Variants in EVA1C observed in about 807,000 individuals in gnomAD.
EVA1C encodes eva-1 homolog C.
In EVA1C, 25 loss-of-function variants were observed where a neutral mutation model predicts 45.4. The ratio of observed to expected loss-of-function variants is 0.55; its 90% confidence interval spans 0.40 to 0.77. The LOEUF (loss-of-function observed/expected upper bound fraction) is 0.77. EVA1C is among the 30% of genes least tolerant of loss of function. The pLI is 0.00. For synonymous variants in EVA1C, 190 were observed against 221.2 expected, an observed-to-expected ratio of 0.86 and a Z score of 1.25; for missense variants, 479 against 554.8, an observed-to-expected ratio of 0.86 and a Z score of 1.37.
intron 7 of EVA1C, among the ~76,000 whole-genome samples, chr21:32,511,451 A>G (rs2037950175): frequency 6.6e-6 from 1 of 151,040 alleles, no homozygotes; most frequent in African/African-American, 2.4e-5. Flanking sequence ...AGAAAGAAAG[A>G]AAGAAAAGAA....
At chr21:32,461,033 A>C (rs759903170) in intron 3 of EVA1C, among the ~76,000 whole-genome samples, 2 of 152,246 alleles carry the variant, frequency 1.3e-5, no homozygotes, top group African/African-American at 2.4e-5. Flanking sequence ...GGCGTGAACC[A>C]CAGTGCCCAG....
chr21:32,449,254 C>T (rs1288171484), intron 1 of EVA1C, among the ~76,000 whole-genome samples: 1 of 152,200 alleles, frequency 6.6e-6, no homozygotes, highest in East Asian at 1.9e-4. Context: ...TGAGGGCTCA[C>T]TTTTGGTGTT....
intron 6 of EVA1C, among the ~76,000 whole-genome samples, chr21:32,503,062 C>T (rs946542344): frequency 3.3e-5 from 5 of 152,212 alleles, no homozygotes; most frequent in African/African-American, 4.8e-5. Flanking sequence ...GCTAGGAGTC[C>T]CCCAAGCCAT....
intron 4 of EVA1C, among the ~76,000 whole-genome samples, chr21:32,473,495 T>C (rs2036449256): frequency 6.6e-6 from 1 of 152,190 alleles, no homozygotes; most frequent in African/African-American, 2.4e-5. Flanking sequence ...TCCCGTCTCC[T>C]ACCCGCTATC....
intron 1 of EVA1C, among the ~76,000 whole-genome samples, chr21:32,423,820 A>G (rs1568861648): frequency 6.6e-6 from 1 of 152,166 alleles, no homozygotes; most frequent in Admixed American, 6.6e-5. Flanking sequence ...ACCAGGCAAC[A>G]TTAAAATTCA....
At chr21:32,412,582 G>C (rs375046046), upstream of EVA1C, 12 of 361,532 alleles carry the variant, frequency 3.3e-5, no homozygotes, top group Admixed American at 2.9e-4. Flanking sequence ...CGCTTCCTCC[G>C]GCACGGCGGC....
At chr21:32,484,369 C>G (rs1197688361) in intron 4 of EVA1C, among the ~76,000 whole-genome samples, 3 of 151,868 alleles carry the variant, frequency 2.0e-5, no homozygotes, top group Non-Finnish European at 2.9e-5. Context: ...GATGGTGAAA[C>G]CCCATCTCTA....
intron 1 of EVA1C, among the ~76,000 whole-genome samples, chr21:32,444,590 A>C (rs994222292): frequency 6.6e-6 from 1 of 152,212 alleles, no homozygotes; most frequent in African/African-American, 2.4e-5. Context: ...GCTATCCGGA[A>C]GCTCTCCAAA....
At chr21:32,461,250 C>T (rs1365035281) in intron 3 of EVA1C, among the ~76,000 whole-genome samples, 1 of 152,282 alleles carries the variant, frequency 6.6e-6, no homozygotes. Flanking sequence ...GCTGGGGAGC[C>T]GGAGTAGGGA....
intron 3 of EVA1C, among the ~76,000 whole-genome samples, chr21:32,466,822 T>C (rs1280594873): frequency 2.3e-5 from 3 of 131,806 alleles, no homozygotes; most frequent in Non-Finnish European, 4.8e-5. Context: ...CCATCTTTCT[T>C]GCTTTTTTTT....
rs139610330 is a variant in EVA1C at position 32,462,680 on chromosome 21, G to C, written c.481+4960G>C. Among the ~76,000 whole-genome samples the C allele has an allele frequency of 6.2e-3, 939 of 152,296 alleles. 15 individuals carry two copies. Among genetic ancestry groups the C allele is most frequent in the Admixed American group, 0.035 (539 of 15,290 alleles). ...AGGTTGTGGGTTTACTGGAATGAGG[G>C]CAAGGAACACCTGGCCCACCCAGAG... On this transcript the variant is annotated intron_variant, in intron 3 of 7. Coordinates refer to ENST00000300255, the MANE Select transcript of EVA1C (RefSeq NM_058187.5).
intron 6 of EVA1C, among the ~76,000 whole-genome samples, chr21:32,502,973 G>A (rs1461714959): frequency 6.6e-6 from 1 of 152,112 alleles, no homozygotes; most frequent in Non-Finnish European, 1.5e-5. Context: ...TCCATAAACA[G>A]CCTGGTCCCC....
intron 7 of EVA1C, among the ~76,000 whole-genome samples, chr21:32,512,924 A>G (rs533106764): frequency 6.6e-6 from 1 of 152,152 alleles, no homozygotes; most frequent in African/African-American, 2.4e-5. Flanking sequence ...GGAAGATGAA[A>G]GTGAAGTCGG....
rs2038102961 is a variant in EVA1C at position 32,515,304 on chromosome 21, A to C, written c.*114A>C. Reference sequence around the variant, plus strand: ...TGAAGGAGAATTCGTCATGTCATTCAACACTCGTGAGGCCAGGAAGCTATT... The same window carrying C: ...TGAAGGAGAATTCGTCATGTCATTCCACACTCGTGAGGCCAGGAAGCTATT... On this transcript the variant is annotated 3_prime_UTR_variant, in exon 8 of 8. Coordinates refer to ENST00000300255, the MANE Select transcript of EVA1C (RefSeq NM_058187.5). 3 of 1,191,982 alleles carry C rather than the reference A, an allele frequency of 2.5e-6. No individual in the cohort carries two copies. Among genetic ancestry groups the C allele is most frequent in the Non-Finnish European group, 3.5e-6 (3 of 853,544 alleles). The allele number at this position is 1,191,982 out of a possible 1,614,324, so 73.8% of individuals were successfully genotyped here. A position where few individuals can be genotyped will look rare whatever the true frequency, so the allele number is the denominator to read the frequency against.
At chr21:32,495,924 T>C (rs1028699643) in intron 5 of EVA1C, among the ~76,000 whole-genome samples, 2 of 152,248 alleles carry the variant, frequency 1.3e-5, no homozygotes, top group African/African-American at 4.8e-5. Flanking sequence ...ACCTATTCTC[T>C]TGGAAATCGC....
intron 1 of EVA1C, among the ~76,000 whole-genome samples, chr21:32,422,096 C>G (rs1248838022): frequency 6.9e-6 from 1 of 144,616 alleles, no homozygotes; most frequent in African/African-American, 2.6e-5. Flanking sequence ...AAGAAGGAAT[C>G]TAAAACATGA....
At chr21:32,487,362 C>G (rs2037004437) in intron 4 of EVA1C, among the ~76,000 whole-genome samples, 1 of 152,242 alleles carries the variant, frequency 6.6e-6, no homozygotes, top group Non-Finnish European at 1.5e-5. Context: ...ATCATGAGAC[C>G]TCCATAAAAG....
At chr21:32,421,289 C>T (rs866600127) in intron 1 of EVA1C, among the ~76,000 whole-genome samples, 3 of 152,138 alleles carry the variant, frequency 2.0e-5, no homozygotes, top group Middle Eastern at 3.4e-3. Context: ...TGAGCGCAGG[C>T]GATAAGGAGT....
chr21:32,435,229 TG>T (rs1206129148), intron 1 of EVA1C, among the ~76,000 whole-genome samples: 2 of 133,250 alleles, frequency 1.5e-5, no homozygotes, highest in Non-Finnish European at 3.3e-5. Flanking sequence ...TAATTTTTTT[TG>T]TGGGGGGGAA....
Sources: gnomAD v4.1 joint callset for allele counts (sites outside exome capture counted in the v4.1 genomes callset) on GRCh38, gnomAD v4.1.1 for gene constraint, MANE v1.5 for transcripts, NCBI Gene and HGNC (gene_info 2026-07-23, HGNC 2026-07-21) for gene names.